Variants in ARFGAP3 observed in about 807,000 individuals in gnomAD.
ARFGAP3 encodes the protein ARF GTPase activating protein 3.
Under a neutral mutation model 75.0 loss-of-function variants are expected in ARFGAP3, and 72 were observed. The ratio of observed to expected loss-of-function variants is 0.96; its 90% CI spans 0.79 to 1.17. The LOEUF (loss-of-function observed/expected upper bound fraction) is 1.17, where lower values mean the gene tolerates loss of function less well. Ranked by LOEUF, ARFGAP3 falls within the 50% of genes most tolerant of loss-of-function variation. The pLI, the probability that ARFGAP3 is intolerant of heterozygous loss-of-function variation, is 0.00. For synonymous variants in ARFGAP3, 221 were observed against 217.9 expected (o/e 1.01, Z -0.13); for missense variants, 620 against 626.6 (o/e 0.99, Z 0.11).
At position 42,804,376 on chromosome 22, in the gene ARFGAP3, A is replaced by ATTTTT. The variant is rs1169858932; in HGVS notation, c.1411+2692_1411+2696dup. Among the ~76,000 whole-genome samples, 415 of 74,464 alleles carry ATTTTT rather than the reference A, an allele frequency of 5.6e-3. 19 individuals carry two copies. Among genetic ancestry groups the ATTTTT allele is most frequent in the African/African-American group, 0.023 (389 of 16,796 alleles). The allele number at this position is 74,464 out of a possible 152,430, so 48.9% of individuals were successfully genotyped here. On this transcript the variant is annotated intron_variant, in intron 14 of 15. Coordinates refer to ENST00000263245, the MANE Select transcript of ARFGAP3 (RefSeq NM_014570.5). ...AGGCGCCCACCACCACACCCAGCTA[A>ATTTTT]TTTTTTTTTTTTTTTTTTTTTTTTG...
At chr22:42,800,346 A>G (rs965816191) in intron 14 of ARFGAP3, among the ~76,000 whole-genome samples, 4 of 152,182 alleles carry the variant, frequency 2.6e-5, no homozygotes, top group African/African-American at 9.6e-5. Flanking sequence ...CCTGGCCAAC[A>G]TGGTGAAACC....
At chr22:42,843,746 T>C (rs530306506) in intron 2 of ARFGAP3, among the ~76,000 whole-genome samples, 1 of 152,306 alleles carries the variant, frequency 6.6e-6, no homozygotes, top group African/African-American at 2.4e-5. Flanking sequence ...CCCATTCACC[T>C]TTAATAAGCT....
Position 42,857,252 on chromosome 22 carries a change from T to C in ARFGAP3, c.-70A>G. ...GAGTCGACGAAAAGCGGCTACCGCC[T>C]CAGCAGGAGCGACGAGGCCGCGGGG... On this transcript the variant is annotated 5_prime_UTR_variant, in exon 1 of 16. Coordinates refer to ENST00000263245, the MANE Select transcript of ARFGAP3 (RefSeq NM_014570.5). 1.4e-6 allele frequency: 2 copies of C among 1,478,326 alleles called. No homozygotes were observed. The highest frequency in any genetic ancestry group is 3.0e-5 in the East Asian group (1 of 33,362). The allele number at this position is 1,478,326 out of a possible 1,614,324, so 91.6% of individuals were successfully genotyped here. A position where few individuals can be genotyped will look rare whatever the true frequency, so the allele number is the denominator to read the frequency against.
At chr22:42,811,582 G>A (rs965368105) in intron 11 of ARFGAP3, among the ~76,000 whole-genome samples, 1 of 152,160 alleles carries the variant, frequency 6.6e-6, no homozygotes, top group Non-Finnish European at 1.5e-5. Flanking sequence ...CCTCCTCCTG[G>A]AGTTGGATAC....
intron 14 of ARFGAP3, 199 bp from the exon 15 acceptor site, chr22:42,799,359 G>C: frequency 1.4e-5 from 7 of 483,388 alleles, no homozygotes; most frequent in Non-Finnish European, 1.9e-5. Context: ...CCACACGACA[G>C]AAAATGTAGT....
intron 14 of ARFGAP3, among the ~76,000 whole-genome samples, chr22:42,805,647 A>G (rs1925084796): frequency 6.6e-6 from 1 of 152,150 alleles, no homozygotes; most frequent in South Asian, 2.1e-4. Flanking sequence ...GTCAGCAAGT[A>G]ACTGACTGCC....
intron 6 of ARFGAP3, among the ~76,000 whole-genome samples, chr22:42,827,367 T>TG (rs747700368): frequency 8.6e-5 from 13 of 151,964 alleles, no homozygotes; most frequent in Non-Finnish European, 1.8e-4. Context: ...TGTTTTGTTT[T>TG]GTTTTTTTTT....
At chr22:42,841,160 T>C (rs1358749995) in intron 2 of ARFGAP3, 144 bp from the exon 3 acceptor site, 4 of 1,432,870 alleles carry the variant, frequency 2.8e-6, no homozygotes, top group East Asian at 2.5e-5. Context: ...ACTTTTGGGA[T>C]GCTAGGACTC....
At chr22:42,828,059 C>A in intron 6 of ARFGAP3, among the ~76,000 whole-genome samples, 1 of 152,112 alleles carries the variant, frequency 6.6e-6, no homozygotes, top group Middle Eastern at 3.4e-3. Context: ...TCGAGGCGGG[C>A]AGATCACTTG....
At chr22:42,830,723 AATC>A (rs1926247589) in intron 6 of ARFGAP3, among the ~76,000 whole-genome samples, 1 of 152,258 alleles carries the variant, frequency 6.6e-6, no homozygotes. Context: ...ACCAAATGTG[AATC>A]ATTATGTATC....
At chr22:42,837,240 T>C (rs549734151) in intron 3 of ARFGAP3, among the ~76,000 whole-genome samples, 8 of 152,228 alleles carry the variant, frequency 5.3e-5, no homozygotes, top group South Asian at 4.2e-4. Context: ...AGCAGGAGGA[T>C]TGCTTGAGGC....
rs1925378140 is a variant in ARFGAP3, at chr22:42,811,804, T to C, written c.1065-860A>G. Among the ~76,000 whole-genome samples, 4 of 152,158 alleles carry C rather than the reference T, an allele frequency of 2.6e-5. No homozygotes were observed. The South Asian group carries it at 6.2e-4, about 24-fold the overall frequency. ...GTCCTGTGTGATTAGAGAAAAATCT[T>C]TGACCAAGAGCAGCAAGGTCTGCCT... is the stretch of plus-strand genomic sequence containing the variant. On this transcript the variant is annotated intron_variant, in intron 11 of 15. Transcript: ENST00000263245.
At chr22:42,817,982 TATGA>T in intron 9 of ARFGAP3, 125 bp from the exon 10 acceptor site, 1 of 1,269,284 alleles carries the variant, frequency 7.9e-7, no homozygotes, top group East Asian at 2.9e-5. Context: ...AATTAACAAT[TATGA>T]AGGCAAGTTG....
chr22:42,801,999 A>G (rs1924883870), intron 14 of ARFGAP3, among the ~76,000 whole-genome samples: 1 of 152,168 alleles, frequency 6.6e-6, no homozygotes, highest in African/African-American at 2.4e-5. Context: ...ATGAGGCTGG[A>G]AAGGCCAGTG....
intron 14 of ARFGAP3, among the ~76,000 whole-genome samples, chr22:42,803,750 A>G (rs1924983615): frequency 6.6e-6 from 1 of 152,222 alleles, no homozygotes; most frequent in African/African-American, 2.4e-5. Context: ...AGTGAAAGAG[A>G]GTGCCCGTAA....
At chr22:42,832,421 C>T (rs1251917429) in intron 5 of ARFGAP3, among the ~76,000 whole-genome samples, 1 of 151,068 alleles carries the variant, frequency 6.6e-6, no homozygotes, top group Non-Finnish European at 1.5e-5. Flanking sequence ...ATCCCAACTA[C>T]TTGGGAGGCT....
rs1433076608 is a variant in ARFGAP3, at chr22:42,817,829, C to A, written c.841G>T (p.Asp281Tyr). 2.5e-6 allele frequency: 4 copies of A among 1,611,740 alleles called. No individual in the cohort carries two copies. Among genetic ancestry groups the A allele is most frequent in the Non-Finnish European group, 3.4e-6 (4 of 1,179,074 alleles). The change falls in exon 10 of 16, where the codon GAT becomes TAT. Residue 281 changes from aspartate to tyrosine, a missense_variant. Physicochemically the swap from Asp to Tyr is radical, Grantham distance 160. Coordinates refer to ENST00000263245, the MANE Select transcript of ARFGAP3 (RefSeq NM_014570.5). ...IVSSLRLAYK[D>Y]LEIQMKKDEK... ...TCTTTCTTCATTTGAATTTCAAGAT[C>A]CTTATAGGCTAATCGTAATGATGAA...
At chr22:42,805,683 A>G (rs886115519) in intron 14 of ARFGAP3, among the ~76,000 whole-genome samples, 2 of 152,112 alleles carry the variant, frequency 1.3e-5, no homozygotes, top group African/African-American at 4.8e-5. Flanking sequence ...CCCTCTGCTC[A>G]AGTCTGGGGT....
intron 12 of ARFGAP3, among the ~76,000 whole-genome samples, chr22:42,809,500 A>T (rs1925267449): frequency 6.6e-6 from 1 of 151,764 alleles, no homozygotes; most frequent in South Asian, 2.1e-4. Context: ...TATCTGGGAA[A>T]GGCAAAATTG....
Sources: allele counts gnomAD v4.1 joint callset (sites outside exome capture counted in the v4.1 genomes callset), GRCh38; gene constraint gnomAD v4.1.1; transcripts MANE v1.5; gene names NCBI Gene and HGNC (gene_info 2026-07-23, HGNC 2026-07-21).